The following GRK5 variants were observed in gnomAD, a reference collection of about 807,000 sequenced individuals.
GRK5 encodes the protein G protein-coupled receptor kinase 5.
Under a neutral mutation model 78.4 loss-of-function variants are expected in GRK5, and 40 were observed. That is an observed-to-expected ratio of 0.51 (90% CI 0.40 to 0.66). GRK5 has a LOEUF of 0.66. GRK5 is among the 30% of genes least tolerant of loss of function. GRK5 has a pLI of 0.00. For missense variants in GRK5, 598 were observed against 759.9 expected, an observed-to-expected ratio of 0.79 and a Z score of 2.50; for synonymous variants, 289 against 296.8, an observed-to-expected ratio of 0.97 and a Z score of 0.27.
At chr10:119,381,749 C>A (rs12412018) in intron 3 of GRK5, among the ~76,000 whole-genome samples, 15,918 of 152,008 alleles carry the variant, frequency 0.1, 1,153 homozygotes, top group African/African-American at 0.19. Context: ...TCATCCAGGC[C>A]CCTCCCCTCC....
At chr10:119,270,478 G>T (rs985616452) in intron 1 of GRK5, among the ~76,000 whole-genome samples, 1 of 152,212 alleles carries the variant, frequency 6.6e-6, no homozygotes, top group Non-Finnish European at 1.5e-5. Flanking sequence ...TGTATAGGAG[G>T]ATATGCATGG....
chr10:119,377,056 AC>A (rs1486504975), intron 2 of GRK5, among the ~76,000 whole-genome samples: 4 of 152,014 alleles, frequency 2.6e-5, no homozygotes, highest in Non-Finnish European at 5.9e-5. Flanking sequence ...GTGTTCTCCC[AC>A]CCCTAAAGAT....
At chr10:119,342,995 C>T (rs1203182298) in intron 2 of GRK5, among the ~76,000 whole-genome samples, 2 of 152,294 alleles carry the variant, frequency 1.3e-5, no homozygotes, top group South Asian at 2.1e-4. Flanking sequence ...AGCCATGAGC[C>T]CCTATTCAGC....
chr10:119,427,164 C>T lies in GRK5; in HGVS notation c.533+2079C>T, dbSNP rs1043440211. ...ATCACTGCTGTTATCAATATCCCAC[C>T]GCCATCATCAGCATCACCGCCATCA... is the stretch of plus-strand genomic sequence containing the variant. On this transcript the variant is annotated intron_variant, in intron 6 of 15. Transcript: ENST00000392870. 3.0e-4 allele frequency among the ~76,000 whole-genome samples: 45 copies of T among 151,728 alleles called. 1 individual carries two copies. The highest frequency in any genetic ancestry group is 2.2e-3 in the Admixed American group (34 of 15,250).
At chr10:119,438,662 C>T (rs1464649237) in intron 9 of GRK5, among the ~76,000 whole-genome samples, 1 of 152,212 alleles carries the variant, frequency 6.6e-6, no homozygotes, top group Non-Finnish European at 1.5e-5. Flanking sequence ...ACCACAGTGC[C>T]TCCTCCCTGG....
intron 2 of GRK5, among the ~76,000 whole-genome samples, chr10:119,330,004 A>G (rs1850742453): frequency 6.6e-6 from 1 of 151,610 alleles, no homozygotes; most frequent in South Asian, 2.1e-4. Flanking sequence ...CTGGGATTAC[A>G]GGTACCTGCC....
intron 1 of GRK5, among the ~76,000 whole-genome samples, chr10:119,268,878 G>A (rs7077224): frequency 1.3e-5 from 2 of 151,868 alleles, no homozygotes; most frequent in Admixed American, 6.5e-5. Flanking sequence ...CATCCACCAC[G>A]GCCCAGGAGC....
At chr10:119,251,392 T>C (rs1225466346) in intron 1 of GRK5, among the ~76,000 whole-genome samples, 1 of 152,254 alleles carries the variant, frequency 6.6e-6, no homozygotes, top group African/African-American at 2.4e-5. Flanking sequence ...CACCAATGCC[T>C]TTCTGTGATG....
chr10:119,436,578 G>T, intron 8 of GRK5, 73 bp from the exon 9 acceptor site: 1 of 1,460,836 alleles, frequency 6.8e-7, no homozygotes, highest in South Asian at 1.2e-5. Context: ...CAGCTCCCAG[G>T]ATCCTGAGGA....
chr10:119,381,009 A>T, intron 3 of GRK5, 82 bp downstream of exon 3: 2 of 859,758 alleles, frequency 2.3e-6, no homozygotes, highest in Admixed American at 3.8e-5. Context: ...AATAGATCTC[A>T]TGGGTTAGAA....
rs531353718 is a variant in GRK5 at position 119,250,021 on chromosome 10, G to A, written c.52+42052G>A. Among the ~76,000 whole-genome samples, 46 of 152,248 alleles carry A rather than the reference G, an allele frequency of 3.0e-4. 2 individuals carry two copies. The highest frequency in any genetic ancestry group is 1.1e-3 in the African/African-American group (45 of 41,538). On this transcript the variant is annotated intron_variant, in intron 1 of 15. Transcript: ENST00000392870. ...CCCGCATTCTTGGCAACTCTGGATAGGGACTAGGGCTTAGAAAAGAACACT... is the reference window on the plus strand; with the variant it reads ...CCCGCATTCTTGGCAACTCTGGATAAGGACTAGGGCTTAGAAAAGAACACT...
In GRK5 at chr10:119,418,907, C is replaced by T. The variant is rs141712039; in HGVS notation, c.340-4259C>T. The stretch of plus-strand genomic sequence containing the variant: ...GTATCTACAGGCCTTGAGGCCCTCA[C>T]GCTTGGATTTCTGTATGGTTAGACA... On this transcript the variant is annotated intron_variant, in intron 4 of 15. Transcript: ENST00000392870. 7.9e-4 allele frequency among the ~76,000 whole-genome samples: 120 copies of T among 152,242 alleles called. No individual in the cohort carries two copies. In the East Asian group the frequency reaches 8.7e-3, roughly 11 times the overall value.
intron 1 of GRK5, among the ~76,000 whole-genome samples, chr10:119,322,890 G>A (rs1850610469): frequency 6.6e-6 from 1 of 152,198 alleles, no homozygotes; most frequent in Admixed American, 6.5e-5. Flanking sequence ...ATAGCTAAAA[G>A]GTAGAAACAG....
At chr10:119,451,062 A>T (rs1442948829) in intron 13 of GRK5, among the ~76,000 whole-genome samples, 1 of 26,592 alleles carries the variant, frequency 3.8e-5, no homozygotes, top group South Asian at 2.1e-3. Flanking sequence ...CCCCACAGTC[A>T]TCCCTGCCAG....
intron 2 of GRK5, among the ~76,000 whole-genome samples, chr10:119,326,869 G>A (rs1223200532): frequency 6.6e-6 from 1 of 152,250 alleles, no homozygotes; most frequent in Non-Finnish European, 1.5e-5. Flanking sequence ...TATCCTTTGA[G>A]GCAGGTGCTA....
Position 119,456,773 on chromosome 10 carries a change from CGCAGGCA to C in GRK5, c.*1710_*1716del, listed in dbSNP as rs898727178. 7 of 152,214 alleles carry C rather than the reference CGCAGGCA, an allele frequency of 4.6e-5. No individual in the cohort carries two copies. Among genetic ancestry groups the C allele is most frequent in the Admixed American group, 3.9e-4 (6 of 15,274 alleles). The allele number at this position is 152,214 out of a possible 1,614,324, so 9.4% of individuals were successfully genotyped here. A position where few individuals can be genotyped will look rare whatever the true frequency, so the allele number is the denominator to read the frequency against. ...ATCCCAAACACATTTCTCTGGATGACGCAGGCAGCATTGGAGCATGAGCCGTGGGGAG... is the reference window on the plus strand; with the variant it reads ...ATCCCAAACACATTTCTCTGGATGACGCATTGGAGCATGAGCCGTGGGGAG... On this transcript the variant is annotated 3_prime_UTR_variant, in exon 16 of 16. Coordinates refer to ENST00000392870, the MANE Select transcript of GRK5 (RefSeq NM_005308.3). The surrounding 1 kb of genome is among the most constrained non-coding windows in gnomAD (Gnocchi z 5.5).
At position 119,452,838 on chromosome 10, in the gene GRK5, TGGGTGGGA is replaced by T; in HGVS notation, c.1542+34_1542+41del. 1 of 523,582 alleles carries T rather than the reference TGGGTGGGA, an allele frequency of 1.9e-6. No homozygotes were observed. The highest frequency in any genetic ancestry group is 3.8e-6 in the Non-Finnish European group (1 of 261,102). 32.4% of individuals were successfully genotyped at this position (523,582 alleles called of 1,614,324 possible). A position where few individuals can be genotyped will look rare whatever the true frequency, so the allele number is the denominator to read the frequency against. The stretch of plus-strand genomic sequence containing the variant: ...GCAGGGCAGACCACTTGCTTTGGTC[TGGGTGGGA>T]GGGAGGGACTGACGGGTGGAAGGAG... On this transcript the variant is annotated intron_variant, in intron 14 of 15. Coordinates refer to ENST00000392870, the MANE Select transcript of GRK5 (RefSeq NM_005308.3). This position sits in a 1 kb window ranked among gnomAD's most constrained non-coding sequence, Gnocchi z 4.4.
chr10:119,313,304 G>A (rs1228187304), intron 1 of GRK5, among the ~76,000 whole-genome samples: 1 of 151,116 alleles, frequency 6.6e-6, no homozygotes. Flanking sequence ...TGGTGGTGGT[G>A]ATGATGGTGG....
rs1589786154 is a variant in GRK5 at position 119,396,084 on chromosome 10, G to A, written c.262-611G>A. ...TGCAAGGTGTAATAATCACAATGGC[G>A]GTAACTATAGCAACTGTTTATTATT... On this transcript the variant is annotated intron_variant, in intron 3 of 15. Transcript: ENST00000392870. 2.6e-5 allele frequency among the ~76,000 whole-genome samples: 4 copies of A among 152,338 alleles called. No individual in the cohort carries two copies. The East Asian group carries it at 7.7e-4, about 29-fold the overall frequency.
Sources: gnomAD v4.1 joint callset for allele counts (sites outside exome capture counted in the v4.1 genomes callset) on GRCh38, gnomAD v4.1.1 for gene constraint, Gnocchi (gnomAD v3.1) non-coding constraint, MANE v1.5 for transcripts, NCBI Gene and HGNC (gene_info 2026-07-23, HGNC 2026-07-21) for gene names.